Variants in SUZ12 observed in about 807,000 individuals in gnomAD.
SUZ12 encodes polycomb protein SUZ12.
A neutral mutation model predicts 87.3 loss-of-function variants in SUZ12; 17 were observed. The ratio of observed to expected loss-of-function variants is 0.19; its 90% CI spans 0.13 to 0.29. The LOEUF (loss-of-function observed/expected upper bound fraction) is 0.29, where lower values mean the gene tolerates loss of function less well. Among genes scored for constraint, SUZ12 ranks in the 10% least tolerant of loss-of-function variants. SUZ12 has a pLI of 1.00. For synonymous variants in SUZ12, 253 were observed against 312.4 expected (o/e 0.81, Z 2.01); for missense variants, 526 against 912.2 (o/e 0.58, Z 5.45).
intron 10 of SUZ12, among the ~76,000 whole-genome samples, chr17:31,990,567 G>T (rs1028664937): frequency 1.3e-5 from 2 of 151,964 alleles, no homozygotes; most frequent in African/African-American, 4.8e-5. Context: ...GTTTCATCAT[G>T]TTGGCCAGGC....
chr17:31,941,360 G>A (rs1185161036), intron 3 of SUZ12, among the ~76,000 whole-genome samples: 3 of 151,484 alleles, frequency 2.0e-5, no homozygotes, highest in African/African-American at 7.3e-5. Context: ...GGGTTTAAAC[G>A]ATTCTCCTGC....
intron 13 of SUZ12, 134 bp downstream of exon 13, chr17:31,994,855 T>G (rs1405595679): frequency 1.1e-6 from 1 of 878,560 alleles, no homozygotes; most frequent in Non-Finnish European, 1.7e-6. Context: ...TCTATGGGGT[T>G]GTTAACTACT....
At chr17:31,970,458 T>G (rs1465583723) in intron 5 of SUZ12, among the ~76,000 whole-genome samples, 1 of 151,944 alleles carries the variant, frequency 6.6e-6, no homozygotes, top group Non-Finnish European at 1.5e-5. Flanking sequence ...TGAAGCCCCG[T>G]CTCTACTGAA....
rs538514490 is a variant in SUZ12 at position 31,975,349 on chromosome 17, T to A, written c.592-133T>A. 3.7e-4 allele frequency: 225 copies of A among 603,642 alleles called. No individual in the cohort carries two copies. In the African/African-American group the frequency reaches 4.0e-3, roughly 11 times the overall value. The allele number at this position is 603,642 out of a possible 1,614,324, so 37.4% of individuals were successfully genotyped here. On this transcript the variant is annotated intron_variant, in intron 6 of 15. Coordinates refer to ENST00000322652, the MANE Select transcript of SUZ12 (RefSeq NM_015355.4). ...TGCTTCACAGTTTGCAGAACTATGGTTAGAATTTTAACATTCCATTTGGTG... is the reference window on the plus strand; with the variant it reads ...TGCTTCACAGTTTGCAGAACTATGGATAGAATTTTAACATTCCATTTGGTG...
chr17:31,944,263 G>A (rs374568090), intron 3 of SUZ12, among the ~76,000 whole-genome samples: 5 of 151,796 alleles, frequency 3.3e-5, no homozygotes, highest in African/African-American at 1.2e-4. Context: ...CGAGTAGCTG[G>A]GATTACAGGC....
intron 4 of SUZ12, among the ~76,000 whole-genome samples, chr17:31,962,790 T>C (rs566564275): frequency 1.1e-3 from 161 of 152,334 alleles, no homozygotes; most frequent in African/African-American, 2.8e-3. Flanking sequence ...ACAAAAGATT[T>C]GGTAGGTGGG....
At chr17:31,937,545 G>A (rs1032818458) in intron 1 of SUZ12, 25 bp downstream of exon 1, 3 of 1,531,966 alleles carry the variant, frequency 2.0e-6, no homozygotes, top group African/African-American at 2.8e-5. Flanking sequence ...GGCTTTGAGG[G>A]CAGGAAGACC....
chr17:31,955,012 G>T (rs969925616), intron 4 of SUZ12, among the ~76,000 whole-genome samples: 2 of 152,064 alleles, frequency 1.3e-5, no homozygotes, highest in Non-Finnish European at 2.9e-5. Context: ...TAAGAGGTGG[G>T]GTCTTGTTCT....
chr17:31,986,118 G>A (rs1468309705), intron 9 of SUZ12, among the ~76,000 whole-genome samples: 15 of 151,728 alleles, frequency 9.9e-5, no homozygotes, highest in Non-Finnish European at 4.4e-5. Flanking sequence ...ACTGGCATGC[G>A]CCACCAGGCC....
intron 6 of SUZ12, 27 bp from the exon 7 acceptor site, chr17:31,975,455 A>C: frequency 6.8e-7 from 1 of 1,461,620 alleles, no homozygotes; most frequent in Non-Finnish European, 9.3e-7. Context: ...ACAAATAAAT[A>C]TAAATTAATA....
intron 4 of SUZ12, among the ~76,000 whole-genome samples, chr17:31,956,321 G>A (rs181669350): frequency 1.4e-3 from 208 of 151,974 alleles, no homozygotes; most frequent in African/African-American, 4.6e-3. Context: ...AGCCTCTGGA[G>A]TAGCTGGGAC....
chr17:31,938,904 C>CG (rs1369896162), intron 1 of SUZ12, among the ~76,000 whole-genome samples: 1 of 152,074 alleles, frequency 6.6e-6, no homozygotes, highest in Non-Finnish European at 1.5e-5. Flanking sequence ...TAAAACAACT[C>CG]GAAGTTGTTT....
intron 7 of SUZ12, 146 bp downstream of exon 7, chr17:31,975,859 A>G (rs1908717107): frequency 3.1e-6 from 2 of 650,748 alleles, no homozygotes; most frequent in Admixed American, 3.2e-5. Flanking sequence ...TTGTTGTGCA[A>G]ATTTTCAAAC....
At chr17:31,956,279 C>T (rs868556507) in intron 4 of SUZ12, among the ~76,000 whole-genome samples, 4 of 151,828 alleles carry the variant, frequency 2.6e-5, no homozygotes, top group East Asian at 1.9e-4. Context: ...CTGCAACCTC[C>T]GCCTCCTGGG....
intron 10 of SUZ12, among the ~76,000 whole-genome samples, chr17:31,992,688 G>A (rs1909780575): frequency 1.3e-5 from 2 of 152,064 alleles, no homozygotes; most frequent in African/African-American, 2.4e-5. Flanking sequence ...GGGATTACAG[G>A]TGTGAGCCAC....
At chr17:31,997,059 C>T (rs990299127) in intron 15 of SUZ12, among the ~76,000 whole-genome samples, 182 bp downstream of exon 15, 1 of 151,798 alleles carries the variant, frequency 6.6e-6, no homozygotes, top group African/African-American at 2.4e-5. Flanking sequence ...GGTACAAAGA[C>T]GTTCCTTTTG....
At chr17:31,985,655 GT>G (rs1028552680) in intron 9 of SUZ12, among the ~76,000 whole-genome samples, 11 of 144,946 alleles carry the variant, frequency 7.6e-5, no homozygotes, top group Middle Eastern at 3.5e-3. Flanking sequence ...TTTTGTTTTT[GT>G]TTTTTTTTTG....
At chr17:31,954,055 G>C (rs1320818192) in intron 4 of SUZ12, among the ~76,000 whole-genome samples, 2 of 150,436 alleles carry the variant, frequency 1.3e-5, no homozygotes, top group Non-Finnish European at 3.0e-5. Flanking sequence ...TGCCTTTTTT[G>C]ACTATTTATT....
chr17:31,938,528 T>C (rs1906078004), intron 1 of SUZ12, among the ~76,000 whole-genome samples: 1 of 152,194 alleles, frequency 6.6e-6, no homozygotes, highest in Admixed American at 6.5e-5. Context: ...CTTCATGAAA[T>C]TCTAATTGGA....
Sources: allele counts gnomAD v4.1 joint callset (sites outside exome capture counted in the v4.1 genomes callset), GRCh38; gene constraint gnomAD v4.1.1; transcripts MANE v1.5; gene names NCBI Gene and HGNC (gene_info 2026-07-23, HGNC 2026-07-21).